The following CNKSR2 variants were observed in gnomAD, a reference collection of about 807,000 sequenced individuals.
The protein encoded by CNKSR2 is connector enhancer of kinase suppressor of Ras 2.
A neutral mutation model predicts 84.4 loss-of-function variants in CNKSR2; 14 were observed. The observed-to-expected ratio is 0.17, with a 90% CI of 0.11 to 0.26. CNKSR2 has a LOEUF of 0.26. CNKSR2 is among the 10% of genes least tolerant of loss of function. CNKSR2 has a pLI of 1.00. For synonymous variants in CNKSR2, 275 were observed against 277.9 expected (o/e 0.99, Z 0.10); for missense variants, 485 against 771.2 (o/e 0.63, Z 4.40).
chrX:21,444,478 C>T (rs1477205401), intron 4 of CNKSR2, among the ~76,000 whole-genome samples: 1 of 111,258 alleles, frequency 9.0e-6, no homozygotes, highest in Non-Finnish European at 1.9e-5. Flanking sequence ...CAAATTACTT[C>T]ATATCTCTGA....
chrX:21,575,363 A>G (rs1483900043), intron 13 of CNKSR2, among the ~76,000 whole-genome samples: 2 of 110,598 alleles, frequency 1.8e-5, no homozygotes, highest in Non-Finnish European at 1.9e-5. Context: ...TACTCCTCCT[A>G]TCCCCCCATA....
intron 20 of CNKSR2, among the ~76,000 whole-genome samples, chrX:21,612,526 T>C (rs1200179683): frequency 8.9e-6 from 1 of 112,343 alleles, no homozygotes; most frequent in Non-Finnish European, 1.9e-5. Flanking sequence ...AACGTTTTTC[T>C]CAGTTTGCCA....
intron 20 of CNKSR2, among the ~76,000 whole-genome samples, chrX:21,623,730 A>G (rs1187390500): frequency 8.9e-6 from 1 of 112,115 alleles, no homozygotes; most frequent in African/African-American, 3.2e-5. Context: ...AACCCAAACT[A>G]AATAAGTATT....
Position 21,501,584 on chromosome X carries a change from C to G in CNKSR2, c.806C>G (p.Thr269Ser). 8.8e-7 allele frequency: 1 copy of G among 1,130,486 alleles called. No homozygotes were observed. Among genetic ancestry groups the G allele is most frequent in the Non-Finnish European group, 1.2e-6 (1 of 832,904 alleles). 93.2% of individuals were successfully genotyped at this position (1,130,486 alleles called of 1,213,427 possible). The stretch of plus-strand genomic sequence containing the variant: ...GAAGTGATTCAAGTTAATCATCAGA[C>G]TGTGGTATGTATAATTAACTTAAGA... ...GDEVIQVNHQ[T>S]VVGWQLKNLV... The change falls in exon 8 of 22, where the codon ACT (threonine) becomes AGT (serine). Residue 269 changes from threonine to serine, a missense_variant. Physicochemically the swap from Thr to Ser is moderately conservative, Grantham distance 58 (BLOSUM62 1). Coordinates refer to ENST00000379510, the MANE Select transcript of CNKSR2 (RefSeq NM_014927.5).
At chrX:21,620,345 T>C (rs2092596609) in intron 20 of CNKSR2, among the ~76,000 whole-genome samples, 1 of 110,306 alleles carries the variant, frequency 9.1e-6, no homozygotes, top group Non-Finnish European at 1.9e-5. Context: ...CAGTACCTAT[T>C]TTAAAATGTT....
At chrX:21,391,198 G>A (rs773529438) in intron 1 of CNKSR2, among the ~76,000 whole-genome samples, 172 of 112,490 alleles carry the variant, frequency 1.5e-3, no homozygotes, top group African/African-American at 5.3e-3. Flanking sequence ...CTGCCATTCC[G>A]CAGTCTGGAA....
chrX:21,500,114 T>C (rs1466722502), intron 7 of CNKSR2, among the ~76,000 whole-genome samples: 1 of 110,817 alleles, frequency 9.0e-6, no homozygotes, highest in Non-Finnish European at 1.9e-5. Flanking sequence ...GAGATTAAAA[T>C]ATTATATTAT....
At chrX:21,381,972 C>T (rs1044895065) in intron 1 of CNKSR2, among the ~76,000 whole-genome samples, 1 of 111,456 alleles carries the variant, frequency 9.0e-6, no homozygotes, top group Non-Finnish European at 1.9e-5. Context: ...TGATATCCAA[C>T]TCCCCCACTA....
rs2092537676 is a variant in CNKSR2, at chrX:21,609,406, T to C, written c.2481T>C (p.Ala827=). Residue 827 remains alanine, a synonymous_variant, in exon 20 of 22, where the codon GCT becomes GCC. Transcript: ENST00000379510. ...ATCACTATGGGCCATACCCCTTAGCTGAGAGTGAGAGGATGCAAGTGCTAA... is the reference window on the plus strand; with the variant it reads ...ATCACTATGGGCCATACCCCTTAGCCGAGAGTGAGAGGATGCAAGTGCTAA... ...LQDHYGPYPL[A]ESERMQVLNG... is the part of the protein sequence containing the mutation. 8.3e-7 allele frequency: 1 copy of C among 1,211,123 alleles called. No homozygotes were observed.
At chrX:21,487,163 C>T (rs2147178474) in intron 5 of CNKSR2, among the ~76,000 whole-genome samples, 1 of 112,131 alleles carries the variant, frequency 8.9e-6, no homozygotes, top group African/African-American at 3.2e-5. Context: ...GTATTCCTAG[C>T]AGCACCTAGC....
intron 18 of CNKSR2, among the ~76,000 whole-genome samples, chrX:21,604,085 A>G (rs2092501146): frequency 8.9e-6 from 1 of 112,159 alleles, no homozygotes; most frequent in Non-Finnish European, 1.9e-5. Context: ...GTGTGTCTCT[A>G]ATTTTCCACA....
chrX:21,401,713 T>G (rs1052232629), intron 1 of CNKSR2, among the ~76,000 whole-genome samples: 5 of 111,985 alleles, frequency 4.5e-5, no homozygotes, highest in African/African-American at 1.6e-4. Context: ...ACCTTTGTTT[T>G]TAGATCACTG....
At chrX:21,392,810 T>C (rs1050033761) in intron 1 of CNKSR2, among the ~76,000 whole-genome samples, 1 of 111,552 alleles carries the variant, frequency 9.0e-6, no homozygotes, top group African/African-American at 3.3e-5. Context: ...AATGAGTCCG[T>C]GTAGTGCATT....
chrX:21,398,031 C>T (rs1466154598), intron 1 of CNKSR2, among the ~76,000 whole-genome samples: 2 of 111,455 alleles, frequency 1.8e-5, no homozygotes, highest in Admixed American at 9.6e-5. Flanking sequence ...TTAAACTGTT[C>T]TGATTTCTGT....
chrX:21,542,026 T>C (rs766220476), intron 11 of CNKSR2, among the ~76,000 whole-genome samples: 1 of 112,336 alleles, frequency 8.9e-6, no homozygotes, highest in Non-Finnish European at 1.9e-5. Context: ...GTATGTTGTT[T>C]TGGATTTACT....
At chrX:21,406,491 A>T (rs2090265503) in intron 1 of CNKSR2, among the ~76,000 whole-genome samples, 1 of 111,590 alleles carries the variant, frequency 9.0e-6, no homozygotes, top group African/African-American at 3.3e-5. Flanking sequence ...GTTTATATAT[A>T]TATGTACTGA....
At chrX:21,601,106 G>A (rs2092479002) in intron 17 of CNKSR2, among the ~76,000 whole-genome samples, 176 bp from the exon 18 acceptor site, 1 of 111,921 alleles carries the variant, frequency 8.9e-6, no homozygotes, top group African/African-American at 3.2e-5. Context: ...GGAGCAATTT[G>A]TACTATAGCA....
chrX:21,434,025 A>G, intron 3 of CNKSR2, among the ~76,000 whole-genome samples: 1 of 111,075 alleles, frequency 9.0e-6, no homozygotes. Flanking sequence ...AAAGTTATGA[A>G]TGGTCAGTAA....
At chrX:21,633,350 A>G (rs140850046) in intron 20 of CNKSR2, among the ~76,000 whole-genome samples, 5,679 of 111,990 alleles carry the variant, frequency 0.051, 125 homozygotes, top group Non-Finnish European at 0.057. Flanking sequence ...TCTGACTTCA[A>G]TAAAACATAG....
Sources: allele counts gnomAD v4.1 joint callset (sites outside exome capture counted in the v4.1 genomes callset), GRCh38; gene constraint gnomAD v4.1.1; transcripts MANE v1.5; gene names NCBI Gene and HGNC (gene_info 2026-07-23, HGNC 2026-07-21).